Variants in TRPM7 observed in about 807,000 individuals in gnomAD.
TRPM7 encodes transient receptor potential cation channel subfamily M member 7.
TRPM7 carries 134 observed loss-of-function variants against 229.7 expected under a neutral mutation model. The observed-to-expected ratio is 0.58, with a 90% CI of 0.51 to 0.67. The LOEUF (loss-of-function observed/expected upper bound fraction) is 0.67, where lower values mean the gene tolerates loss of function less well. Ranked by LOEUF, TRPM7 falls within the 30% of genes least tolerant of loss-of-function variation. The probability of loss-of-function intolerance (pLI) is 0.00; values close to 1 mark genes in which losing one functional copy is unlikely to be tolerated. For missense variants in TRPM7, 1,901 were observed against 2,210.0 expected, an observed-to-expected ratio of 0.86 and a Z score of 2.80; for synonymous variants, 699 against 715.2, an observed-to-expected ratio of 0.98 and a Z score of 0.36.
rs1247601262 is a variant in TRPM7, at chr15:50,592,316, G to T, written c.3919C>A (p.Leu1307Ile). ...CAATGAAAAGGATTATTACTTTCAA[G>T]ATCACCTTGAGGAAGAGAGGAGCTA... ...TLSSSLPQGDLESNNPFHCNI... is the reference protein window; with the variant it reads ...TLSSSLPQGDIESNNPFHCNI... The change falls in exon 26 of 39, where the codon CTT becomes ATT. Residue 1307 changes from leucine to isoleucine, a missense_variant. By Grantham distance (5) the Leu-to-Ile change is conservative. Coordinates refer to ENST00000646667, the MANE Select transcript of TRPM7 (RefSeq NM_017672.6). 1 of 1,613,752 alleles carries T rather than the reference G, an allele frequency of 6.2e-7. No homozygotes were observed. The highest frequency in any genetic ancestry group is 8.5e-7 in the Non-Finnish European group (1 of 1,179,924).
At chr15:50,612,185 G>A (rs185167300) in intron 16 of TRPM7, among the ~76,000 whole-genome samples, 175 of 152,244 alleles carry the variant, frequency 1.1e-3, no homozygotes, top group African/African-American at 4.1e-3. Flanking sequence ...TAACCTCCCA[G>A]GCTCAAGTGA....
intron 1 of TRPM7, among the ~76,000 whole-genome samples, chr15:50,675,114 AGGT>A (rs1243402650): frequency 6.6e-6 from 1 of 152,204 alleles, no homozygotes; most frequent in African/African-American, 2.4e-5. Flanking sequence ...AAGCCGAGGC[AGGT>A]GGATCACCTG....
chr15:50,677,495 C>A (rs1400231281), intron 1 of TRPM7, among the ~76,000 whole-genome samples: 3 of 152,028 alleles, frequency 2.0e-5, no homozygotes, highest in African/African-American at 7.2e-5. Context: ...AATCCCAGCA[C>A]TTTGGGAGGC....
Position 50,638,394 on chromosome 15 carries a change from A to G in TRPM7, c.661-801T>C, listed in dbSNP as rs1194259851. ...AAAAAAAAAAAAAAAAAAAAAAAAA[A>G]AAAAATTAGATGGGTGTAGTGGTGG... is the stretch of plus-strand genomic sequence containing the variant. On this transcript the variant is annotated intron_variant, in intron 6 of 38. Transcript: ENST00000646667. Among the ~76,000 whole-genome samples the G allele has an allele frequency of 9.8e-5, 12 of 122,536 alleles. No individual in the cohort carries two copies. The Admixed American group carries it at 1.1e-3, about 12-fold the overall frequency. The allele number at this position is 122,536 out of a possible 152,430, so 80.4% of individuals were successfully genotyped here.
At position 50,569,932 on chromosome 15, in the gene TRPM7, C is replaced by T. The variant is rs1393503671; in HGVS notation, c.5422G>A (p.Ala1808Thr). The change falls in exon 38 of 39, where the codon GCA becomes ACA. Residue 1808 changes from alanine to threonine, a missense_variant. This residue lies in a region of TRPM7 where 257 missense variants were observed against 352.0 expected (regional missense o/e 0.73). Transcript: ENST00000646667. ...CAGCAAGAATTACAGTGATGTTTTG[C>T]TCTGAAGTTTTTAATTGCATCTTCT... The part of the protein sequence containing the change: ...LGEDAIKNFR[A>T]KHHCNSCCRK... 4.3e-6 allele frequency: 7 copies of T among 1,612,362 alleles called. No homozygotes were observed. Among genetic ancestry groups the T allele is most frequent in the Non-Finnish European group, 4.2e-6 (5 of 1,179,240 alleles).
intron 1 of TRPM7, among the ~76,000 whole-genome samples, chr15:50,686,291 G>A (rs990714730): frequency 6.6e-6 from 1 of 152,218 alleles, no homozygotes; most frequent in Non-Finnish European, 1.5e-5. Flanking sequence ...TGGGAGCCGA[G>A]TCTCGGCTCA....
At chr15:50,676,704 A>G (rs1203147185) in intron 1 of TRPM7, among the ~76,000 whole-genome samples, 1 of 152,108 alleles carries the variant, frequency 6.6e-6, no homozygotes, top group Non-Finnish European at 1.5e-5. Flanking sequence ...TTTTTGCCTG[A>G]AAACAGTCCC....
At chr15:50,597,485 A>C (rs1165538357) in intron 22 of TRPM7, among the ~76,000 whole-genome samples, 1 of 152,250 alleles carries the variant, frequency 6.6e-6, no homozygotes. Context: ...CTCTTAAATA[A>C]TTTTATGAAT....
rs148136101 is a variant in TRPM7 at position 50,569,749 on chromosome 15, G to A, written c.5467+138C>T. On this transcript the variant is annotated intron_variant, in intron 38 of 38. Coordinates refer to ENST00000646667, the MANE Select transcript of TRPM7 (RefSeq NM_017672.6). ...CAGATTCATTTATAACCAACAATAT[G>A]TATTTGCAAAAGAGCTGCTGAAGCT... 9.0e-3 allele frequency: 4,434 copies of A among 490,374 alleles called. 31 individuals carry two copies. Among genetic ancestry groups the A allele is most frequent in the Non-Finnish European group, 0.012 (3,252 of 275,854 alleles). 30.4% of individuals were successfully genotyped at this position (490,374 alleles called of 1,614,324 possible).
At chr15:50,611,690 T>C (rs1174436040) in intron 16 of TRPM7, among the ~76,000 whole-genome samples, 3 of 152,192 alleles carry the variant, frequency 2.0e-5, no homozygotes, top group Non-Finnish European at 4.4e-5. Context: ...GGAAAAACAA[T>C]GTGACTAGGG....
At chr15:50,614,396 G>C in intron 13 of TRPM7, 133 bp from the exon 14 acceptor site, 1 of 787,344 alleles carries the variant, frequency 1.3e-6, no homozygotes, top group Non-Finnish European at 1.9e-6. Context: ...CAGGTGCAGT[G>C]GCTCACGCCT....
At chr15:50,606,498 A>T (rs4775893) in intron 20 of TRPM7, among the ~76,000 whole-genome samples, 57,655 of 151,824 alleles carry the variant, frequency 0.38, 11,541 homozygotes, top group Admixed American at 0.49. Flanking sequence ...AAAAGACCTA[A>T]CTATTTTATT....
intron 20 of TRPM7, 38 bp downstream of exon 20, chr15:50,607,162 T>C (rs777907299): frequency 6.3e-7 from 1 of 1,580,806 alleles, no homozygotes; most frequent in Non-Finnish European, 8.6e-7. Flanking sequence ...CTTCCATGTA[T>C]ACAGTAAATT....
intron 2 of TRPM7, 22 bp downstream of exon 2, chr15:50,662,945 G>A (rs1265713138): frequency 3.2e-6 from 5 of 1,565,118 alleles, no homozygotes; most frequent in Non-Finnish European, 8.8e-7. Context: ...GAAGACCCCA[G>A]AAGTAACAAA....
At chr15:50,619,677 T>G in intron 13 of TRPM7, 68 bp downstream of exon 13, 1 of 1,275,954 alleles carries the variant, frequency 7.8e-7, no homozygotes, top group Non-Finnish European at 1.1e-6. Context: ...GATTTTTTTT[T>G]TAAAAAACAT....
chr15:50,665,041 C>T (rs746204903), intron 1 of TRPM7, among the ~76,000 whole-genome samples: 1 of 152,062 alleles, frequency 6.6e-6, no homozygotes, highest in African/African-American at 2.4e-5. Flanking sequence ...AATAAATATA[C>T]GCATGTTTCT....
intron 28 of TRPM7, among the ~76,000 whole-genome samples, chr15:50,586,013 T>C (rs896149293): frequency 4.6e-5 from 7 of 152,148 alleles, no homozygotes; most frequent in Non-Finnish European, 1.0e-4. Context: ...TTTCAGAGTG[T>C]GTGTATTTTA....
chr15:50,621,157 C>CAAA (rs35848629), intron 12 of TRPM7, among the ~76,000 whole-genome samples: 5,115 of 51,616 alleles, frequency 0.099, 382 homozygotes, highest in Non-Finnish European at 0.15. Flanking sequence ...GACTCCGTCT[C>CAAA]AAAAAAAAAA....
At chr15:50,674,028 G>T (rs1008382256) in intron 1 of TRPM7, among the ~76,000 whole-genome samples, 62 of 152,040 alleles carry the variant, frequency 4.1e-4, no homozygotes, top group African/African-American at 1.5e-3. Flanking sequence ...TTACTCTGTC[G>T]CCCAGGCTGG....
Sources: allele counts gnomAD v4.1 joint callset (sites outside exome capture counted in the v4.1 genomes callset), GRCh38; gene constraint gnomAD v4.1.1; regional missense constraint gnomAD v4.1.1; transcripts MANE v1.5; gene names NCBI Gene and HGNC (gene_info 2026-07-23, HGNC 2026-07-21).